TRMT2B: variants seen among roughly 807,000 people sequenced by gnomAD.
TRMT2B encodes tRNA methyltransferase 2B, also known as tRNA (uracil-5-)-methyltransferase homolog B.
Under a neutral mutation model 39.7 loss-of-function variants are expected in TRMT2B, and 34 were observed. That is an observed-to-expected ratio of 0.86 (90% confidence interval 0.65 to 1.14). TRMT2B has a LOEUF of 1.14. Ranked by LOEUF, TRMT2B falls within the 50% of genes most tolerant of loss-of-function variation. The pLI, the probability that TRMT2B is intolerant of heterozygous loss-of-function variation, is 0.00. For synonymous variants in TRMT2B, 132 were observed against 137.3 expected, an observed-to-expected ratio of 0.96 and a Z score of 0.27; for missense variants, 318 against 377.2, an observed-to-expected ratio of 0.84 and a Z score of 1.30.
chrX:101,011,930 CA>C (rs752703601), intron 13 of TRMT2B, among the ~76,000 whole-genome samples: 1 of 111,505 alleles, frequency 9.0e-6, no homozygotes, highest in East Asian at 2.8e-4. Context: ...AGAAGGTCTT[CA>C]GGGGCAATAA....
chrX:101,034,686 G>A (rs1229447604), intron 7 of TRMT2B, among the ~76,000 whole-genome samples: 1 of 111,524 alleles, frequency 9.0e-6, no homozygotes, highest in East Asian at 2.8e-4. Context: ...TCCAGTTAGT[G>A]GCTTAACTAC....
chrX:100,981,532 G>A, the TRMT2B span, among the ~76,000 whole-genome samples: 3 of 109,118 alleles, frequency 2.7e-5, no homozygotes, highest in Admixed American at 9.9e-5. Context: ...GGTGGGGTGC[G>A]GGGGCTCATG....
intron 13 of TRMT2B, among the ~76,000 whole-genome samples, chrX:101,013,117 G>A (rs1049857580): frequency 5.4e-5 from 6 of 111,421 alleles, no homozygotes; most frequent in African/African-American, 1.6e-4. Context: ...CACCGCGCCC[G>A]GTCAGCTCCA....
At chrX:100,984,419 G>A in the TRMT2B span, among the ~76,000 whole-genome samples, 1 of 111,514 alleles carries the variant, frequency 9.0e-6, no homozygotes, top group Non-Finnish European at 1.9e-5. Context: ...GATTACAGGC[G>A]CGAGCCACCG....
the TRMT2B span, among the ~76,000 whole-genome samples, chrX:100,996,228 T>C: frequency 2.7e-5 from 3 of 111,927 alleles, no homozygotes; most frequent in Non-Finnish European, 5.6e-5. Flanking sequence ...AGTTATCTCA[T>C]GGAGGTAGAG....
At chrX:101,025,831 C>T (rs1005631166) in intron 7 of TRMT2B, among the ~76,000 whole-genome samples, 4 of 110,500 alleles carry the variant, frequency 3.6e-5, no homozygotes, top group African/African-American at 1.3e-4. Flanking sequence ...TGGTGGCGGG[C>T]ACCTGTAATC....
the TRMT2B span, chrX:100,985,873 CAT>C: frequency 8.3e-7 from 1 of 1,210,224 alleles, no homozygotes; most frequent in Non-Finnish European, 1.1e-6. Context: ...CATCTTAACA[CAT>C]CTGCTGTCCG....
At chrX:101,029,120 A>C (rs1291134541) in intron 7 of TRMT2B, among the ~76,000 whole-genome samples, 3 of 111,416 alleles carry the variant, frequency 2.7e-5, no homozygotes, top group African/African-American at 9.8e-5. Context: ...TCTTCCTCTT[A>C]TTTGCCTGGG....
the TRMT2B span, among the ~76,000 whole-genome samples, chrX:100,981,965 G>A: frequency 9.1e-6 from 1 of 109,416 alleles, no homozygotes; most frequent in African/African-American, 3.3e-5. Context: ...ATCTTATGCC[G>A]CCATCTCCAA....
chrX:100,998,554 CAAAA>C, the TRMT2B span, among the ~76,000 whole-genome samples: 20 of 56,075 alleles, frequency 3.6e-4, no homozygotes, highest in Admixed American at 7.5e-4. Flanking sequence ...GATTCTGTCG[CAAAA>C]AAAAAAAAAA....
At chrX:101,031,167 GT>G (rs1323096724) in intron 7 of TRMT2B, among the ~76,000 whole-genome samples, 4 of 110,065 alleles carry the variant, frequency 3.6e-5, no homozygotes, top group African/African-American at 9.9e-5. Context: ...TAAAGACAGG[GT>G]TTTGCCATGT....
the TRMT2B span, among the ~76,000 whole-genome samples, chrX:100,991,463 C>T: frequency 9.0e-6 from 1 of 111,038 alleles, no homozygotes; most frequent in Non-Finnish European, 1.9e-5. Flanking sequence ...ACTGCAAGCT[C>T]CACCTCCTGG....
chrX:101,048,627 C>T (rs936951797), intron 2 of TRMT2B, among the ~76,000 whole-genome samples: 5 of 111,574 alleles, frequency 4.5e-5, no homozygotes, highest in Admixed American at 9.6e-5. Context: ...TTAGTAGAGA[C>T]GGGGGTCTCA....
the TRMT2B span, among the ~76,000 whole-genome samples, chrX:100,977,632 C>T: frequency 1.3e-4 from 14 of 111,311 alleles, no homozygotes; most frequent in African/African-American, 3.3e-4. Flanking sequence ...CTGCCTGCCT[C>T]GGCCTCCCAA....
chrX:101,019,015 A>C lies in TRMT2B; in HGVS notation c.1344T>G (p.Phe448Leu), dbSNP rs374183741. 43 of 1,207,991 alleles carry C rather than the reference A, an allele frequency of 3.6e-5. No individual in the cohort carries two copies. In the East Asian group the frequency reaches 1.2e-3, roughly 35 times the overall value. The change falls in exon 13 of 14, where the codon TTT (phenylalanine) becomes TTG (leucine). Residue 448 changes from phenylalanine to leucine, a missense_variant. By Grantham distance (22) the Phe-to-Leu change is conservative. Transcript: ENST00000372936. ...ATTCACCATGGAGCTTGCAGGAAAC[A>C]AAAACTAGCGTGTGGATGGCCCTGA... ...RNFRAIHTLV[F>L]VSCKLHGEST...
intron 8 of TRMT2B, among the ~76,000 whole-genome samples, chrX:101,022,466 C>T (rs925229586): frequency 9.0e-6 from 1 of 110,598 alleles, no homozygotes; most frequent in Admixed American, 9.7e-5. Context: ...ACTAAAAATA[C>T]AAAAATTAGC....
chrX:101,013,080 C>T (rs1304735048), intron 13 of TRMT2B, among the ~76,000 whole-genome samples: 2 of 111,596 alleles, frequency 1.8e-5, no homozygotes, highest in Non-Finnish European at 3.8e-5. Flanking sequence ...CTCAGCCTCC[C>T]GAAGTGCTGG....
chrX:100,991,818 G>C, the TRMT2B span, among the ~76,000 whole-genome samples: 1 of 111,638 alleles, frequency 9.0e-6, no homozygotes, highest in Admixed American at 9.6e-5. Flanking sequence ...ACAAAAAGCA[G>C]AGCAGGATGT....
chrX:101,005,829 C>G (rs2086096400), downstream of TRMT2B, among the ~76,000 whole-genome samples: 1 of 95,872 alleles, frequency 1.0e-5, no homozygotes, highest in Middle Eastern at 6.2e-3. Context: ...TGTAGTGAGC[C>G]AAGATTGTGC....
Sources: gnomAD v4.1 joint callset for allele counts (sites outside exome capture counted in the v4.1 genomes callset) on GRCh38, gnomAD v4.1.1 for gene constraint, MANE v1.5 for transcripts, NCBI Gene and HGNC (gene_info 2026-07-23, HGNC 2026-07-21) for gene names.